The following MDGA2 variants were observed in gnomAD, a reference collection of about 807,000 sequenced individuals.
MDGA2 encodes MAM domain-containing glycosylphosphatidylinositol anchor protein 2.
In MDGA2, 40 loss-of-function variants were observed where a neutral mutation model predicts 117.8. That is an observed-to-expected ratio of 0.34 (90% CI 0.26 to 0.44). The LOEUF (loss-of-function observed/expected upper bound fraction) is 0.44. MDGA2 is among the 20% of genes least tolerant of loss of function. The probability of loss-of-function intolerance (pLI) is 1.00; values close to 1 mark genes in which losing one functional copy is unlikely to be tolerated. For synonymous variants in MDGA2, 452 were observed against 439.0 expected (o/e 1.03, Z -0.37); for missense variants, 1,123 against 1,250.6 (o/e 0.90, Z 1.54).
At chr14:47,099,781 TG>T (rs901846202) in intron 5 of MDGA2, among the ~76,000 whole-genome samples, 1 of 152,146 alleles carries the variant, frequency 6.6e-6, no homozygotes, top group East Asian at 1.9e-4. Flanking sequence ...ATTGTTGAAA[TG>T]GGGGAAAATA....
chr14:47,618,276 C>T (rs1896983783), intron 1 of MDGA2, among the ~76,000 whole-genome samples: 1 of 152,184 alleles, frequency 6.6e-6, no homozygotes, highest in South Asian at 2.1e-4. Flanking sequence ...TATCTTGGTG[C>T]ACTTTTTGCA....
At position 46,859,721 on chromosome 14, in the gene MDGA2, T is replaced by C. The variant is rs116202220; in HGVS notation, c.2753-4567A>G. Among the ~76,000 whole-genome samples the C allele has an allele frequency of 4.6e-3, 696 of 152,298 alleles. 7 individuals are homozygous for C. The highest frequency in any genetic ancestry group is 0.015 in the African/African-American group (636 of 41,568). On this transcript the variant is annotated intron_variant, in intron 14 of 16. Coordinates refer to ENST00000399232, the MANE Select transcript of MDGA2 (RefSeq NM_001113498.3). The stretch of plus-strand genomic sequence containing the variant: ...TATGCTTGTTTAGGGCAACAGGACT[T>C]ATCTGATATCATTTACTACTCCTTG...
At chr14:47,645,275 C>G (rs998924883) in intron 1 of MDGA2, among the ~76,000 whole-genome samples, 2 of 151,724 alleles carry the variant, frequency 1.3e-5, no homozygotes, top group Admixed American at 6.6e-5. Context: ...GAGGGAGTCC[C>G]GCTGTCTCCC....
intron 3 of MDGA2, among the ~76,000 whole-genome samples, chr14:47,161,661 AGC>A (rs1249107210): frequency 4.6e-5 from 7 of 151,644 alleles, no homozygotes; most frequent in Non-Finnish European, 8.8e-5. Context: ...ATTTCAATAA[AGC>A]AAAAATTTTA....
intron 1 of MDGA2, among the ~76,000 whole-genome samples, chr14:47,639,763 A>C (rs184106781): frequency 1.2e-3 from 186 of 152,240 alleles, no homozygotes; most frequent in Middle Eastern, 3.4e-3. Flanking sequence ...CTCCTCCAAC[A>C]ACAATCCGTC....
At chr14:47,054,125 T>C (rs190461769) in intron 7 of MDGA2, among the ~76,000 whole-genome samples, 3 of 152,076 alleles carry the variant, frequency 2.0e-5, no homozygotes, top group Non-Finnish European at 4.4e-5. Flanking sequence ...CTGATTCCTA[T>C]CTATCTGTCC....
At chr14:47,257,707 G>A (rs896875248) in intron 2 of MDGA2, among the ~76,000 whole-genome samples, 2 of 152,024 alleles carry the variant, frequency 1.3e-5, no homozygotes, top group Non-Finnish European at 2.9e-5. Context: ...TATAGTCCAA[G>A]AACTCTACCC....
At chr14:47,561,189 G>GTTTTTTTTTTTTTTT (rs1895809172) in intron 1 of MDGA2, among the ~76,000 whole-genome samples, 1 of 45,654 alleles carries the variant, frequency 2.2e-5, no homozygotes, top group Non-Finnish European at 5.1e-5. Flanking sequence ...GTTTTTTTTT[G>GTTTTTTTTTTTTTTT]CTTAGGATTG....
chr14:47,613,859 C>G (rs1896899219), intron 1 of MDGA2, among the ~76,000 whole-genome samples: 1 of 151,998 alleles, frequency 6.6e-6, no homozygotes, highest in Non-Finnish European at 1.5e-5. Flanking sequence ...TTTTAAATTT[C>G]TTTCATCAGT....
chr14:46,919,048 C>T (rs1437697433), intron 10 of MDGA2, among the ~76,000 whole-genome samples: 1 of 152,122 alleles, frequency 6.6e-6, no homozygotes, highest in East Asian at 1.9e-4. Context: ...AGGCGTGAGC[C>T]ACCGCGCCCG....
At chr14:47,518,345 CTATA>C (rs1261672948) in intron 1 of MDGA2, among the ~76,000 whole-genome samples, 1 of 151,894 alleles carries the variant, frequency 6.6e-6, no homozygotes, top group African/African-American at 2.4e-5. Flanking sequence ...TTAAAAATAT[CTATA>C]TAGAGATAAA....
intron 4 of MDGA2, among the ~76,000 whole-genome samples, chr14:47,141,566 C>G (rs1463661401): frequency 2.6e-5 from 4 of 152,060 alleles, no homozygotes; most frequent in African/African-American, 9.7e-5. Flanking sequence ...TGTCCCAGAG[C>G]CAGCAACATG....
intron 1 of MDGA2, among the ~76,000 whole-genome samples, chr14:47,542,243 C>T (rs901239456): frequency 2.0e-5 from 3 of 152,138 alleles, no homozygotes; most frequent in African/African-American, 4.8e-5. Context: ...CATGATTCTG[C>T]GACTACATGG....
chr14:47,173,913 C>T (rs1224241972), intron 3 of MDGA2, among the ~76,000 whole-genome samples: 1 of 152,072 alleles, frequency 6.6e-6, no homozygotes, highest in East Asian at 1.9e-4. Context: ...AGCTCATGCG[C>T]AGAGACACAC....
chr14:47,203,814 T>G (rs1411607295), intron 3 of MDGA2, among the ~76,000 whole-genome samples: 1 of 152,052 alleles, frequency 6.6e-6, no homozygotes, highest in Admixed American at 6.5e-5. Context: ...GAGATTAGGA[T>G]ATATAACCAG....
intron 14 of MDGA2, among the ~76,000 whole-genome samples, chr14:46,863,159 T>C (rs1385499136): frequency 6.6e-6 from 1 of 152,060 alleles, no homozygotes; most frequent in East Asian, 1.9e-4. Flanking sequence ...TTGGCCTTTG[T>C]TCTCCACCTC....
At chr14:46,875,724 G>A (rs1039594177) in intron 12 of MDGA2, among the ~76,000 whole-genome samples, 5 of 151,480 alleles carry the variant, frequency 3.3e-5, no homozygotes, top group South Asian at 2.1e-4. Context: ...CTACTCTGGC[G>A]GTTTGAATAC....
chr14:47,667,253 C>G (rs1897991738), intron 1 of MDGA2, among the ~76,000 whole-genome samples: 1 of 152,200 alleles, frequency 6.6e-6, no homozygotes, highest in Non-Finnish European at 1.5e-5. Flanking sequence ...AGTGGCACAT[C>G]TTCCTCCAGT....
rs138351981 is a variant in MDGA2 at position 47,370,859 on chromosome 14, T to C, written c.281-69309A>G. Among the ~76,000 whole-genome samples, 57 of 151,910 alleles carry C rather than the reference T, an allele frequency of 3.8e-4. 1 individual carries two copies. The highest frequency in any genetic ancestry group is 1.3e-3 in the African/African-American group (55 of 41,542). On this transcript the variant is annotated intron_variant, in intron 1 of 16. Coordinates refer to ENST00000399232, the MANE Select transcript of MDGA2 (RefSeq NM_001113498.3). The stretch of plus-strand genomic sequence containing the variant: ...TTTGTTTAGTTGATACTGCACTACC[T>C]AACCACTTCTTAAATTTTGTCTTAT...
Sources: allele counts gnomAD v4.1 joint callset (sites outside exome capture counted in the v4.1 genomes callset), GRCh38; gene constraint gnomAD v4.1.1; transcripts MANE v1.5; gene names NCBI Gene and HGNC (gene_info 2026-07-23, HGNC 2026-07-21).